Variants in PHACTR1 observed in about 807,000 individuals in gnomAD.
The protein encoded by PHACTR1 is phosphatase and actin regulator 1, also known as RPEL repeat containing 1.
In PHACTR1, 16 loss-of-function variants were observed where a neutral mutation model predicts 69.2. The observed-to-expected ratio is 0.23, with a 90% CI of 0.16 to 0.35. The LOEUF (loss-of-function observed/expected upper bound fraction) is 0.35, where lower values mean the gene tolerates loss of function less well. Among genes scored for constraint, PHACTR1 ranks in the 10% least tolerant of loss-of-function variants. PHACTR1 has a pLI of 1.00. For synonymous variants in PHACTR1, 312 were observed against 284.5 expected (o/e 1.10, Z -0.97); for missense variants, 510 against 734.7 (o/e 0.69, Z 3.54).
intron 4 of PHACTR1, among the ~76,000 whole-genome samples, chr6:12,866,598 C>A (rs909156996): frequency 6.6e-6 from 1 of 152,176 alleles, no homozygotes; most frequent in Non-Finnish European, 1.5e-5. Flanking sequence ...CACACACATG[C>A]CATGTCTTTG....
intron 5 of PHACTR1, among the ~76,000 whole-genome samples, chr6:13,065,587 T>A (rs1808501515): frequency 1.3e-5 from 2 of 151,796 alleles, no homozygotes; most frequent in African/African-American, 2.4e-5. Flanking sequence ...TTTTAAGATG[T>A]TTGGTTGAGA....
chr6:13,200,565 C>G (rs759051294), intron 7 of PHACTR1, among the ~76,000 whole-genome samples: 24 of 152,138 alleles, frequency 1.6e-4, no homozygotes, highest in Non-Finnish European at 3.2e-4. Flanking sequence ...GGACTCTGCT[C>G]TAAGAAATAG....
chr6:12,866,900 G>A (rs185514533), intron 4 of PHACTR1, among the ~76,000 whole-genome samples: 4 of 152,246 alleles, frequency 2.6e-5, no homozygotes, highest in East Asian at 1.9e-4. Context: ...AAGGAAATAC[G>A]TGGTACCGTA....
At chr6:12,964,188 G>A (rs535421992) in intron 4 of PHACTR1, among the ~76,000 whole-genome samples, 2 of 152,092 alleles carry the variant, frequency 1.3e-5, no homozygotes, top group South Asian at 4.1e-4. Flanking sequence ...CTGTTCTAAA[G>A]ACAAGGTATT....
At chr6:13,143,982 A>G (rs1822901772) in intron 5 of PHACTR1, among the ~76,000 whole-genome samples, 1 of 152,172 alleles carries the variant, frequency 6.6e-6, no homozygotes, top group Non-Finnish European at 1.5e-5. Context: ...ATAGGTGCAG[A>G]TAAAATTTAA....
At chr6:13,201,178 A>G (rs142249236) in intron 7 of PHACTR1, among the ~76,000 whole-genome samples, 17 of 152,224 alleles carry the variant, frequency 1.1e-4, no homozygotes, top group African/African-American at 4.1e-4. Context: ...GGCTGACCCA[A>G]ATGGAGCCAG....
At chr6:12,911,498 G>A (rs1045347781) in intron 4 of PHACTR1, among the ~76,000 whole-genome samples, 1 of 152,150 alleles carries the variant, frequency 6.6e-6, no homozygotes, top group Non-Finnish European at 1.5e-5. Flanking sequence ...TTGCCAGAGA[G>A]CTGGTAAGTA....
intron 5 of PHACTR1, among the ~76,000 whole-genome samples, chr6:13,116,088 A>G (rs540609095): frequency 6.6e-6 from 1 of 152,188 alleles, no homozygotes; most frequent in African/African-American, 2.4e-5. Context: ...TACTGGAACT[A>G]TCTGGTTTTT....
chr6:13,040,989 G>A (rs1001620914), intron 4 of PHACTR1, among the ~76,000 whole-genome samples: 3 of 152,104 alleles, frequency 2.0e-5, no homozygotes, highest in African/African-American at 7.2e-5. Context: ...TTGGAAGAAA[G>A]AACTTAAGGA....
chr6:12,871,928 T>G (rs1782068421), intron 4 of PHACTR1, among the ~76,000 whole-genome samples: 1 of 150,496 alleles, frequency 6.6e-6, no homozygotes, highest in South Asian at 2.2e-4. Context: ...ATAGTTTGTA[T>G]GTGAAAGAGA....
At chr6:12,898,329 T>C (rs1784878914) in intron 4 of PHACTR1, among the ~76,000 whole-genome samples, 1 of 151,066 alleles carries the variant, frequency 6.6e-6, no homozygotes, top group African/African-American at 2.4e-5. Context: ...CTGATGACTC[T>C]CAAAGCTCCA....
chr6:13,052,936 AT>A (rs760454458), intron 4 of PHACTR1, among the ~76,000 whole-genome samples: 3 of 152,234 alleles, frequency 2.0e-5, no homozygotes, highest in Non-Finnish European at 4.4e-5. Flanking sequence ...TAGACAGTTG[AT>A]AAATGTTTTC....
At chr6:13,271,697 TG>T (rs1451694686) in intron 10 of PHACTR1, among the ~76,000 whole-genome samples, 108 of 152,040 alleles carry the variant, frequency 7.1e-4, no homozygotes, top group African/African-American at 2.5e-3. Context: ...GTTTTTTGTT[TG>T]TTTTTTTTTT....
At chr6:12,751,002 G>A (rs969753915) in intron 4 of PHACTR1, among the ~76,000 whole-genome samples, 2 of 152,200 alleles carry the variant, frequency 1.3e-5, no homozygotes, top group Non-Finnish European at 2.9e-5. Context: ...GTGCGCGTGC[G>A]TGCGCGTGCA....
intron 4 of PHACTR1, among the ~76,000 whole-genome samples, chr6:12,909,117 A>G (rs1786077832): frequency 6.6e-6 from 1 of 152,160 alleles, no homozygotes; most frequent in South Asian, 2.1e-4. Flanking sequence ...ACTTGAGTGG[A>G]TGTGAGTGAA....
chr6:13,173,982 C>G (rs1295236717), intron 6 of PHACTR1, among the ~76,000 whole-genome samples: 2 of 152,188 alleles, frequency 1.3e-5, no homozygotes, highest in African/African-American at 4.8e-5. Context: ...GCTGGGATAA[C>G]AAGCGTTTTC....
chr6:13,171,055 C>T (rs1280728428), intron 6 of PHACTR1, among the ~76,000 whole-genome samples: 1 of 152,306 alleles, frequency 6.6e-6, no homozygotes. Context: ...TAGGTCATCA[C>T]CTGCTTAGAG....
At chr6:12,850,715 T>G (rs1012696307) in intron 4 of PHACTR1, among the ~76,000 whole-genome samples, 26 of 152,342 alleles carry the variant, frequency 1.7e-4, no homozygotes, top group African/African-American at 6.3e-4. Context: ...TTCCAGCTTC[T>G]GATGTTTGGC....
intron 4 of PHACTR1, among the ~76,000 whole-genome samples, chr6:13,007,610 T>C (rs1798945712): frequency 6.6e-6 from 1 of 151,670 alleles, no homozygotes; most frequent in East Asian, 1.9e-4. Flanking sequence ...TTCTGTCATG[T>C]CCACAACGAT....
Sources: gnomAD v4.1 joint callset for allele counts (sites outside exome capture counted in the v4.1 genomes callset) on GRCh38, gnomAD v4.1.1 for gene constraint, MANE v1.5 for transcripts, NCBI Gene and HGNC (gene_info 2026-07-23, HGNC 2026-07-21) for gene names.